PCDH15: variants seen among roughly 807,000 people sequenced by gnomAD.
The protein encoded by PCDH15 is protocadherin related 15, also known as protocadherin-15.
Under a neutral mutation model 178.5 loss-of-function variants are expected in PCDH15, and 129 were observed. The observed-to-expected ratio is 0.72, with a 90% CI of 0.63 to 0.84. The LOEUF (loss-of-function observed/expected upper bound fraction) is 0.84, where lower values mean the gene tolerates loss of function less well. Ranked by LOEUF, PCDH15 falls within the 40% of genes least tolerant of loss-of-function variation. The pLI is 0.00. For synonymous variants in PCDH15, 800 were observed against 732.0 expected, an observed-to-expected ratio of 1.09 and a Z score of -1.50; for missense variants, 2,230 against 2,099.9, an observed-to-expected ratio of 1.06 and a Z score of -1.21.
At chr10:54,013,056 T>C (rs1202051229) in intron 20 of PCDH15, among the ~76,000 whole-genome samples, 1 of 151,394 alleles carries the variant, frequency 6.6e-6, no homozygotes, top group African/African-American at 2.4e-5. Flanking sequence ...AAGTAAAGGT[T>C]TGGAGAAAAG....
intron 28 of PCDH15, among the ~76,000 whole-genome samples, chr10:53,843,330 T>C (rs1438874729): frequency 6.6e-6 from 1 of 152,088 alleles, no homozygotes; most frequent in Non-Finnish European, 1.5e-5. Flanking sequence ...TTTTCATTTA[T>C]CATCTATATC....
intron 26 of PCDH15, among the ~76,000 whole-genome samples, chr10:53,870,069 T>C (rs1270745955): frequency 6.6e-6 from 1 of 152,224 alleles, no homozygotes; most frequent in African/African-American, 2.4e-5. Context: ...ACCACAGTGA[T>C]TGCTTGGTAT....
intron 1 of PCDH15, among the ~76,000 whole-genome samples, chr10:55,215,257 C>A (rs1390688199): frequency 6.6e-6 from 1 of 152,032 alleles, no homozygotes; most frequent in Non-Finnish European, 1.5e-5. Flanking sequence ...TGAAGAAAGG[C>A]AGAGATGCAA....
At chr10:54,655,290 G>C (rs949922349) in intron 2 of PCDH15, among the ~76,000 whole-genome samples, 8 of 126,298 alleles carry the variant, frequency 6.3e-5, no homozygotes, top group South Asian at 3.0e-4. Flanking sequence ...GAGAGAGAGA[G>C]AGAGAGAGAG....
chr10:54,608,307 A>G (rs547667277), intron 2 of PCDH15, among the ~76,000 whole-genome samples: 1 of 147,240 alleles, frequency 6.8e-6, no homozygotes, highest in Non-Finnish European at 1.5e-5. Context: ...ATCTCTACCA[A>G]AAAAAAAAAA....
chr10:53,865,190 A>G (rs1356794919), intron 27 of PCDH15, among the ~76,000 whole-genome samples: 1 of 152,224 alleles, frequency 6.6e-6, no homozygotes, highest in East Asian at 1.9e-4. Context: ...GAAAGGAGAC[A>G]GTTGGAATTA....
intron 1 of PCDH15, among the ~76,000 whole-genome samples, chr10:54,749,637 G>T (rs1042290512): frequency 6.6e-6 from 1 of 151,884 alleles, no homozygotes; most frequent in Non-Finnish European, 1.5e-5. Flanking sequence ...CCTCAATATG[G>T]AATTGAAAAA....
intron 21 of PCDH15, among the ~76,000 whole-genome samples, chr10:53,988,825 C>T (rs1371135611): frequency 2.0e-5 from 3 of 152,042 alleles, no homozygotes; most frequent in Non-Finnish European, 4.4e-5. Context: ...TATTCTTATT[C>T]CCCACTCCCG....
At position 54,239,104 on chromosome 10, in the gene PCDH15, G is replaced by A. The variant is rs183948469; in HGVS notation, c.877-2173C>T. On this transcript the variant is annotated intron_variant, in intron 8 of 37. Transcript: ENST00000644397. ...GAAATTAAAATAAAATTGAATCTTA[G>A]CTTTTCGTTTGGAATGTAAAATGTA... is the stretch of plus-strand genomic sequence containing the variant. Among the ~76,000 whole-genome samples the A allele has an allele frequency of 3.3e-3, 500 of 152,046 alleles. 1 individual carries two copies. The highest frequency in any genetic ancestry group is 0.027 in the Middle Eastern group (8 of 294).
rs544123589 is a variant in PCDH15, at chr10:54,026,565, T to C, written c.2221-3368A>G. On this transcript the variant is annotated intron_variant, in intron 18 of 37. Transcript: ENST00000644397. ...CAACTTAATTCACTGAATTCAAAGC[T>C]ACCATGACAAGAAGTATATTTGATG... 3.9e-5 allele frequency among the ~76,000 whole-genome samples: 6 copies of C among 152,318 alleles called. No individual in the cohort carries two copies. The South Asian group carries it at 1.2e-3, about 32-fold the overall frequency.
chr10:54,898,977 A>G (rs1196275364), intron 2 of PCDH15, among the ~76,000 whole-genome samples: 1 of 152,182 alleles, frequency 6.6e-6, no homozygotes, highest in Non-Finnish European at 1.5e-5. Flanking sequence ...GATCATGGAG[A>G]CTGAACTCCA....
At chr10:54,492,576 T>C (rs756066383) in intron 3 of PCDH15, among the ~76,000 whole-genome samples, 3 of 152,166 alleles carry the variant, frequency 2.0e-5, no homozygotes, top group Non-Finnish European at 4.4e-5. Flanking sequence ...TGGATAATTC[T>C]AGAAATAAAC....
intron 2 of PCDH15, among the ~76,000 whole-genome samples, chr10:54,594,474 C>A (rs1212712194): frequency 6.6e-6 from 1 of 152,110 alleles, no homozygotes; most frequent in Non-Finnish European, 1.5e-5. Flanking sequence ...AGTGTACCCC[C>A]CCAGGCACCT....
chr10:55,465,126 G>GCA (rs1033439494), intron 2 of PCDH15, among the ~76,000 whole-genome samples: 7 of 152,028 alleles, frequency 4.6e-5, no homozygotes, highest in Non-Finnish European at 1.0e-4. Context: ...GGGTGTGTAT[G>GCA]CACACACACA....
chr10:54,942,427 A>G (rs1388906105), intron 2 of PCDH15, among the ~76,000 whole-genome samples: 2 of 150,890 alleles, frequency 1.3e-5, no homozygotes, highest in Non-Finnish European at 3.0e-5. Flanking sequence ...AATTTTCACG[A>G]GTTATTTTTT....
chr10:55,100,330 A>T (rs1842547113), intron 2 of PCDH15, among the ~76,000 whole-genome samples: 1 of 152,170 alleles, frequency 6.6e-6, no homozygotes, highest in Admixed American at 6.6e-5. Context: ...AGGAACATTT[A>T]AACATTAAGC....
intron 2 of PCDH15, among the ~76,000 whole-genome samples, chr10:55,538,374 TTTCCTTCCTTCCTTCCTTCCTTTC>T (rs1564441729): frequency 6.6e-6 from 1 of 151,186 alleles, no homozygotes; most frequent in African/African-American, 2.4e-5. Flanking sequence ...TAGGAAAGCT[TTTCCTTCCTTCCTTCCTTCCTTTC>T]TTCCTTCCTT....
chr10:54,548,535 T>C, intron 2 of PCDH15, among the ~76,000 whole-genome samples: 1 of 144,984 alleles, frequency 6.9e-6, no homozygotes, highest in Non-Finnish European at 1.5e-5. Flanking sequence ...TGTACCTTTA[T>C]ATATATATGT....
chr10:53,852,088 GC>G (rs2078420602), intron 28 of PCDH15, among the ~76,000 whole-genome samples: 1 of 151,984 alleles, frequency 6.6e-6, no homozygotes, highest in African/African-American at 2.4e-5. Context: ...TTTTATAGAT[GC>G]TTAAGGATTT....
Sources: gnomAD v4.1 joint callset for allele counts (sites outside exome capture counted in the v4.1 genomes callset) on GRCh38, gnomAD v4.1.1 for gene constraint, MANE v1.5 for transcripts, NCBI Gene and HGNC (gene_info 2026-07-23, HGNC 2026-07-21) for gene names.